Variants in TENM3 observed in about 807,000 individuals in gnomAD.
The protein encoded by TENM3 is teneurin-3.
TENM3 carries 63 observed loss-of-function variants against 255.1 expected under a neutral mutation model. That is an observed-to-expected ratio of 0.25 (90% confidence interval 0.20 to 0.30). TENM3 has a LOEUF of 0.30. TENM3 is among the 10% of genes least tolerant of loss of function. The pLI, the probability that TENM3 is intolerant of heterozygous loss-of-function variation, is 1.00. For missense variants in TENM3, 2,929 were observed against 3,461.1 expected, an observed-to-expected ratio of 0.85 and a Z score of 3.86; for synonymous variants, 1,306 against 1,322.3, an observed-to-expected ratio of 0.99 and a Z score of 0.27.
At chr4:181,895,351 T>C in the TENM3 span, among the ~76,000 whole-genome samples, 1 of 152,002 alleles carries the variant, frequency 6.6e-6, no homozygotes, top group Non-Finnish European at 1.5e-5. Context: ...AGTTTCTTTC[T>C]GAATCAAACT....
intron 4 of TENM3, among the ~76,000 whole-genome samples, chr4:182,622,411 G>T (rs1296082561): frequency 6.6e-6 from 1 of 152,158 alleles, no homozygotes; most frequent in Non-Finnish European, 1.5e-5. Flanking sequence ...GTGATCTCAT[G>T]ATCTACTGAT....
At chr4:181,540,644 C>T in the TENM3 span, among the ~76,000 whole-genome samples, 1 of 152,178 alleles carries the variant, frequency 6.6e-6, no homozygotes, top group Non-Finnish European at 1.5e-5. Flanking sequence ...CACACATTAT[C>T]CCAGTCTAGT....
At chr4:182,132,202 G>A in the TENM3 span, among the ~76,000 whole-genome samples, 16 of 152,278 alleles carry the variant, frequency 1.1e-4, no homozygotes, top group South Asian at 2.1e-4. Context: ...GTTATAGGCC[G>A]GGCGCAGTGG....
chr4:181,731,590 C>T, the TENM3 span, among the ~76,000 whole-genome samples: 39 of 152,208 alleles, frequency 2.6e-4, 1 homozygote, highest in East Asian at 7.2e-3. Flanking sequence ...TGAGCTCAAG[C>T]GATCCACCTG....
chr4:181,814,005 A>G, the TENM3 span, among the ~76,000 whole-genome samples: 1 of 152,160 alleles, frequency 6.6e-6, no homozygotes, highest in Non-Finnish European at 1.5e-5. Context: ...GTAGTGAAAT[A>G]TATACTACCA....
the TENM3 span, among the ~76,000 whole-genome samples, chr4:181,961,213 A>G: frequency 6.6e-6 from 1 of 152,240 alleles, no homozygotes; most frequent in Non-Finnish European, 1.5e-5. Context: ...GGAACTGAGC[A>G]AAATAAAGGA....
chr4:182,527,274 G>A (rs1739296756), intron 3 of TENM3, among the ~76,000 whole-genome samples: 1 of 152,060 alleles, frequency 6.6e-6, no homozygotes, highest in South Asian at 2.1e-4. Flanking sequence ...CTGAAATTGG[G>A]ATGTATTTCC....
chr4:181,924,978 G>A, the TENM3 span, among the ~76,000 whole-genome samples: 1 of 152,220 alleles, frequency 6.6e-6, no homozygotes, highest in Non-Finnish European at 1.5e-5. Context: ...TTATGAGGAT[G>A]AATAGCCTTA....
intron 16 of TENM3, among the ~76,000 whole-genome samples, chr4:182,735,565 A>G (rs560866482): frequency 1.3e-5 from 2 of 152,344 alleles, no homozygotes; most frequent in East Asian, 1.9e-4. Flanking sequence ...AGATCTTTCC[A>G]ACATGAAAAG....
the TENM3 span, among the ~76,000 whole-genome samples, chr4:181,845,823 A>G: frequency 7.9e-5 from 12 of 152,232 alleles, no homozygotes; most frequent in African/African-American, 2.7e-4. Context: ...TACAGGTTAC[A>G]GCGGGTGTTC....
intron 3 of TENM3, among the ~76,000 whole-genome samples, chr4:182,439,876 A>G (rs1220991356): frequency 6.6e-6 from 1 of 152,038 alleles, no homozygotes; most frequent in Non-Finnish European, 1.5e-5. Context: ...TACACTGCAG[A>G]TTCTCTCCAA....
chr4:182,181,549 C>G (rs1334571110), intron 1 of TENM3, among the ~76,000 whole-genome samples: 1 of 152,128 alleles, frequency 6.6e-6, no homozygotes, highest in Non-Finnish European at 1.5e-5. Flanking sequence ...TGTAAAGTAG[C>G]AGAATGTAAT....
chr4:182,749,956 T>TATAAACA (rs1762258967), intron 19 of TENM3, among the ~76,000 whole-genome samples: 1 of 147,082 alleles, frequency 6.8e-6, no homozygotes, highest in African/African-American at 2.5e-5. Flanking sequence ...AGACCAGCTG[T>TATAAACA]GTCAACATTA....
At chr4:181,483,104 T>C in the TENM3 span, among the ~76,000 whole-genome samples, 1 of 152,148 alleles carries the variant, frequency 6.6e-6, no homozygotes, top group African/African-American at 2.4e-5. Context: ...CTGAAACAAG[T>C]GTAAAAAGAA....
chr4:181,479,905 G>C, the TENM3 span, among the ~76,000 whole-genome samples: 2 of 152,076 alleles, frequency 1.3e-5, no homozygotes, highest in African/African-American at 4.8e-5. Flanking sequence ...AAAGTGCTTT[G>C]TAAAATTTTC....
At chr4:182,640,233 G>T (rs934955771) in intron 5 of TENM3, among the ~76,000 whole-genome samples, 3 of 152,112 alleles carry the variant, frequency 2.0e-5, no homozygotes, top group Non-Finnish European at 4.4e-5. Context: ...GTATATAAAT[G>T]TAAAATACTG....
the TENM3 span, among the ~76,000 whole-genome samples, chr4:181,960,917 C>A: frequency 6.6e-6 from 1 of 152,110 alleles, no homozygotes; most frequent in African/African-American, 2.4e-5. Context: ...TAGAATACCA[C>A]CGGCTGATCA....
intron 4 of TENM3, among the ~76,000 whole-genome samples, chr4:182,605,537 T>TA (rs1748335993): frequency 6.6e-6 from 1 of 151,518 alleles, no homozygotes; most frequent in Non-Finnish European, 1.5e-5. Flanking sequence ...TAATGAATAG[T>TA]AAAAAATCAC....
chr4:182,438,784 G>T (rs1264563533), intron 3 of TENM3, among the ~76,000 whole-genome samples: 1 of 152,152 alleles, frequency 6.6e-6, no homozygotes, highest in Non-Finnish European at 1.5e-5. Flanking sequence ...GTAATATTAT[G>T]AAATTAATTC....
Sources: gnomAD v4.1 joint callset for allele counts (sites outside exome capture counted in the v4.1 genomes callset) on GRCh38, gnomAD v4.1.1 for gene constraint, MANE v1.5 for transcripts, NCBI Gene and HGNC (gene_info 2026-07-23, HGNC 2026-07-21) for gene names.